The following IL1RAPL1 variants were observed in gnomAD, a reference collection of about 807,000 sequenced individuals.
IL1RAPL1 encodes the protein interleukin 1 receptor accessory protein like 1.
Under a neutral mutation model 48.4 loss-of-function variants are expected in IL1RAPL1, and 3 were observed. The ratio of observed to expected loss-of-function variants is 0.06; its 90% CI spans 0.03 to 0.16. The LOEUF is 0.16. Ranked by LOEUF, IL1RAPL1 falls within the 10% of genes least tolerant of loss-of-function variation. The pLI, the probability that IL1RAPL1 is intolerant of heterozygous loss-of-function variation, is 1.00. For missense variants in IL1RAPL1, 349 were observed against 530.6 expected, an observed-to-expected ratio of 0.66 and a Z score of 3.36; for synonymous variants, 185 against 187.7, an observed-to-expected ratio of 0.99 and a Z score of 0.12.
At chrX:28,601,700 C>T (rs1355819251) in intron 1 of IL1RAPL1, among the ~76,000 whole-genome samples, 3 of 110,856 alleles carry the variant, frequency 2.7e-5, no homozygotes, top group African/African-American at 9.9e-5. Flanking sequence ...TTTAAAAGAT[C>T]TGTCTTAAAA....
intron 1 of IL1RAPL1, among the ~76,000 whole-genome samples, chrX:28,752,523 G>A (rs1455285317): frequency 1.8e-5 from 2 of 112,572 alleles, no homozygotes; most frequent in African/African-American, 6.5e-5. Context: ...ACCACTAGCA[G>A]TTTTCACTAC....
At chrX:29,103,021 T>A (rs1231793677) in intron 2 of IL1RAPL1, among the ~76,000 whole-genome samples, 1 of 112,136 alleles carries the variant, frequency 8.9e-6, no homozygotes, top group Non-Finnish European at 1.9e-5. Context: ...ATTGGAAGAA[T>A]CAATATTGTT....
At chrX:29,837,187 C>T (rs1482570776) in intron 6 of IL1RAPL1, among the ~76,000 whole-genome samples, 5 of 100,531 alleles carry the variant, frequency 5.0e-5, no homozygotes, top group African/African-American at 1.9e-4. Context: ...CGCGTGAACC[C>T]GGGATGGGGA....
At chrX:29,663,298 A>G (rs767345067) in intron 5 of IL1RAPL1, among the ~76,000 whole-genome samples, 3 of 112,511 alleles carry the variant, frequency 2.7e-5, no homozygotes, top group Non-Finnish European at 5.6e-5. Flanking sequence ...CAATTGCACA[A>G]AGCATGTTTT....
chrX:29,149,655 G>A (rs982467404), intron 2 of IL1RAPL1, among the ~76,000 whole-genome samples: 3 of 111,791 alleles, frequency 2.7e-5, no homozygotes, highest in African/African-American at 9.8e-5. Flanking sequence ...GGGCACCCAA[G>A]AAGTTGATGG....
At chrX:28,974,053 A>G (rs950797827) in intron 2 of IL1RAPL1, among the ~76,000 whole-genome samples, 14 of 111,629 alleles carry the variant, frequency 1.3e-4, no homozygotes, top group African/African-American at 4.6e-4. Flanking sequence ...ATTTTGCTCA[A>G]ACAAATTTCT....
chrX:29,190,913 C>T (rs919905219), intron 2 of IL1RAPL1, among the ~76,000 whole-genome samples: 3 of 111,612 alleles, frequency 2.7e-5, no homozygotes, highest in Non-Finnish European at 5.6e-5. Context: ...GATCTGTTCT[C>T]TATAACTGAG....
intron 5 of IL1RAPL1, among the ~76,000 whole-genome samples, chrX:29,514,280 A>C (rs1280425659): frequency 1.8e-5 from 2 of 112,150 alleles, no homozygotes; most frequent in South Asian, 7.3e-4. Context: ...GAAACTAAGT[A>C]TACTAAAATA....
intron 2 of IL1RAPL1, among the ~76,000 whole-genome samples, chrX:28,884,390 A>G (rs1418029356): frequency 9.0e-6 from 1 of 111,489 alleles, no homozygotes; most frequent in African/African-American, 3.3e-5. Flanking sequence ...AGAACTTTGG[A>G]AACTTTATAC....
At chrX:29,723,967 A>C (rs995515056) in intron 6 of IL1RAPL1, among the ~76,000 whole-genome samples, 4 of 110,117 alleles carry the variant, frequency 3.6e-5, no homozygotes, top group Non-Finnish European at 5.7e-5. Context: ...GATGTGCACC[A>C]CCATGCCCAG....
At chrX:28,708,854 A>G (rs972198078) in intron 1 of IL1RAPL1, among the ~76,000 whole-genome samples, 2 of 111,382 alleles carry the variant, frequency 1.8e-5, no homozygotes, top group African/African-American at 6.5e-5. Flanking sequence ...GGGTACAAAT[A>G]TACAGTAAAA....
intron 6 of IL1RAPL1, among the ~76,000 whole-genome samples, chrX:29,889,249 C>A (rs1932226810): frequency 9.0e-6 from 1 of 111,373 alleles, no homozygotes; most frequent in South Asian, 3.7e-4. Flanking sequence ...AGATTCACTG[C>A]AGTTTACTGC....
At chrX:29,920,356 T>C (rs936564369) in intron 8 of IL1RAPL1, among the ~76,000 whole-genome samples, 1 of 111,527 alleles carries the variant, frequency 9.0e-6, no homozygotes, top group African/African-American at 3.3e-5. Flanking sequence ...TTCCCTAAGC[T>C]TTAGTTATCT....
intron 2 of IL1RAPL1, among the ~76,000 whole-genome samples, chrX:28,965,740 T>C (rs893412810): frequency 8.9e-6 from 1 of 112,143 alleles, no homozygotes; most frequent in Non-Finnish European, 1.9e-5. Context: ...ATCTGTGCGC[T>C]CTTAGTGATT....
intron 5 of IL1RAPL1, among the ~76,000 whole-genome samples, chrX:29,547,829 A>G (rs187011055): frequency 7.4e-4 from 83 of 112,385 alleles, no homozygotes; most frequent in Admixed American, 2.4e-3. Context: ...TGTGTCGAGA[A>G]CAAGTTTTTG....
At chrX:29,120,828 G>T in intron 2 of IL1RAPL1, among the ~76,000 whole-genome samples, 1 of 111,153 alleles carries the variant, frequency 9.0e-6, no homozygotes, top group East Asian at 2.8e-4. Flanking sequence ...GAACATAGAC[G>T]CAAAAATCCT....
chrX:28,799,685 G>A (rs1936651627), intron 2 of IL1RAPL1, among the ~76,000 whole-genome samples: 1 of 111,897 alleles, frequency 8.9e-6, no homozygotes, highest in Admixed American at 9.4e-5. Context: ...TAAGGGACTC[G>A]ATAAAAATCG....
intron 6 of IL1RAPL1, among the ~76,000 whole-genome samples, chrX:29,738,450 C>CTT (rs59952038): frequency 2.0e-4 from 17 of 86,133 alleles, no homozygotes; most frequent in South Asian, 5.4e-4. Context: ...CTTTTCTTTT[C>CTT]TTTTTTTTTT....
At chrX:28,673,188 G>A (rs775998844) in intron 1 of IL1RAPL1, among the ~76,000 whole-genome samples, 4 of 111,853 alleles carry the variant, frequency 3.6e-5, no homozygotes, top group Non-Finnish European at 7.5e-5. Flanking sequence ...CGGAAATAAG[G>A]CTGCACAGCT....
Sources: gnomAD v4.1 joint callset for allele counts (sites outside exome capture counted in the v4.1 genomes callset) on GRCh38, gnomAD v4.1.1 for gene constraint, MANE v1.5 for transcripts, NCBI Gene and HGNC (gene_info 2026-07-23, HGNC 2026-07-21) for gene names.